MSRB3: variants seen among roughly 807,000 people sequenced by gnomAD.
MSRB3 encodes the protein methionine sulfoxide reductase B3, also known as methionine-R-sulfoxide reductase B3.
Under a neutral mutation model 21.0 loss-of-function variants are expected in MSRB3, and 13 were observed. The observed-to-expected ratio is 0.62, with a 90% CI of 0.40 to 0.98. MSRB3 has a LOEUF of 0.98. MSRB3 is among the 50% of genes least tolerant of loss of function. The pLI, the probability that MSRB3 is intolerant of heterozygous loss-of-function variation, is 0.00. For missense variants in MSRB3, 199 were observed against 230.3 expected (o/e 0.86, Z 0.88); for synonymous variants, 87 against 88.6 (o/e 0.98, Z 0.10).
At chr12:65,312,211 T>G (rs948539570) in intron 2 of MSRB3, among the ~76,000 whole-genome samples, 1 of 152,098 alleles carries the variant, frequency 6.6e-6, no homozygotes, top group African/African-American at 2.4e-5. Flanking sequence ...GTGATTTTAT[T>G]AACTGTCACT....
At chr12:65,355,106 GA>G (rs1320445540) in intron 4 of MSRB3, among the ~76,000 whole-genome samples, 1 of 151,746 alleles carries the variant, frequency 6.6e-6, no homozygotes, top group African/African-American at 2.4e-5. Context: ...ATAAACTTTA[GA>G]AAAGGAGATT....
chr12:65,367,062 C>T (rs940694824), intron 4 of MSRB3, among the ~76,000 whole-genome samples: 3 of 152,174 alleles, frequency 2.0e-5, no homozygotes, highest in Non-Finnish European at 2.9e-5. Flanking sequence ...GACAGTGACA[C>T]GGCTTGTGCA....
intron 5 of MSRB3, among the ~76,000 whole-genome samples, chr12:65,387,325 T>C (rs1879242889): frequency 6.6e-6 from 1 of 152,148 alleles, no homozygotes; most frequent in South Asian, 2.1e-4. Flanking sequence ...TGTAGTATTT[T>C]TTTTCCCCCT....
chr12:65,295,393 G>C (rs530820808), intron 1 of MSRB3, among the ~76,000 whole-genome samples: 1 of 151,912 alleles, frequency 6.6e-6, no homozygotes, highest in Non-Finnish European at 1.5e-5. Flanking sequence ...TGTATTATAC[G>C]TTCTCCCTTT....
chr12:65,322,511 C>T (rs769381933), intron 2 of MSRB3, among the ~76,000 whole-genome samples: 55 of 151,420 alleles, frequency 3.6e-4, no homozygotes, highest in Non-Finnish European at 6.6e-4. Context: ...AAAAATTACC[C>T]GGGTGTGGTG....
At chr12:65,326,804 C>G in intron 2 of MSRB3, 22 bp from the exon 3 acceptor site, 1 of 1,591,750 alleles carries the variant, frequency 6.3e-7, no homozygotes, top group Non-Finnish European at 8.6e-7. Context: ...GGCTTCTTCT[C>G]CCATATCCTC....
At chr12:65,292,138 C>G (rs1872699045) in intron 1 of MSRB3, among the ~76,000 whole-genome samples, 1 of 152,176 alleles carries the variant, frequency 6.6e-6, no homozygotes, top group Non-Finnish European at 1.5e-5. Context: ...TAATGGTGTT[C>G]ATATCATTGA....
In MSRB3 at chr12:65,280,384, C is replaced by T. The variant is rs114547842; in HGVS notation, c.-52+1519C>T. ...TTTTTCAATGGATTTCTAAAAAATA[C>T]TGTGCTGGATAGTGAAGAGTGGATT... On this transcript the variant is annotated intron_variant, in intron 1 of 6. Coordinates refer to ENST00000308259, the MANE Select transcript of MSRB3 (RefSeq NM_001031679.3). 8.4e-3 allele frequency among the ~76,000 whole-genome samples: 1,285 copies of T among 152,264 alleles called. 21 individuals carry two copies. Among genetic ancestry groups the T allele is most frequent in the African/African-American group, 0.03 (1,242 of 41,562 alleles).
At chr12:65,454,430 G>A (rs1311962247) in intron 6 of MSRB3, among the ~76,000 whole-genome samples, 1 of 152,128 alleles carries the variant, frequency 6.6e-6, no homozygotes, top group Non-Finnish European at 1.5e-5. Context: ...GGCTGTTCTT[G>A]GGGCATATGA....
chr12:65,411,326 G>A (rs1257166408), intron 5 of MSRB3, among the ~76,000 whole-genome samples: 1 of 152,158 alleles, frequency 6.6e-6, no homozygotes, highest in Non-Finnish European at 1.5e-5. Context: ...CCATGGGGAA[G>A]TCTTACTTGT....
At chr12:65,316,442 A>G (rs1456642645) in intron 2 of MSRB3, 1 of 152,160 alleles carries the variant, frequency 6.6e-6, no homozygotes, top group Non-Finnish European at 1.5e-5. Context: ...TGTTTCAGTT[A>G]TGGAAAGTCC....
chr12:65,318,819 T>C (rs1183807874), intron 2 of MSRB3, among the ~76,000 whole-genome samples: 1 of 152,154 alleles, frequency 6.6e-6, no homozygotes, highest in Non-Finnish European at 1.5e-5. Flanking sequence ...TTTTGAAGAG[T>C]TGATAAGATA....
rs189969268 is a variant in MSRB3 at position 65,374,202 on chromosome 12, C to T, written c.292+5176C>T. On this transcript the variant is annotated intron_variant, in intron 5 of 6. Transcript: ENST00000308259. ...TAAATTTCTTATTTTAAACTCATAACATTGAAGAACAAGGAAATAAAATAT... is the reference window on the plus strand; with the variant it reads ...TAAATTTCTTATTTTAAACTCATAATATTGAAGAACAAGGAAATAAAATAT... 3.2e-3 allele frequency among the ~76,000 whole-genome samples: 491 copies of T among 152,086 alleles called. 4 individuals carry two copies. Among genetic ancestry groups the T allele is most frequent in the African/African-American group, 0.011 (466 of 41,490 alleles).
chr12:65,414,571 C>T (rs1383975754), intron 5 of MSRB3, among the ~76,000 whole-genome samples: 5 of 152,062 alleles, frequency 3.3e-5, no homozygotes, highest in East Asian at 3.9e-4. Context: ...AGCATGTAGT[C>T]GAGGTGTGTA....
intron 5 of MSRB3, among the ~76,000 whole-genome samples, chr12:65,373,804 A>G (rs931855038): frequency 1.3e-5 from 2 of 152,174 alleles, no homozygotes; most frequent in Non-Finnish European, 2.9e-5. Context: ...ACAGAATATA[A>G]TTATGCTGAA....
intron 5 of MSRB3, among the ~76,000 whole-genome samples, chr12:65,396,758 C>A (rs942884954): frequency 1.5e-5 from 2 of 136,642 alleles, no homozygotes; most frequent in African/African-American, 6.1e-5. Context: ...GAAAGAAAAC[C>A]CAGCAAAGAT....
intron 4 of MSRB3, among the ~76,000 whole-genome samples, chr12:65,347,141 T>C (rs911616586): frequency 3.9e-5 from 6 of 152,318 alleles, no homozygotes; most frequent in East Asian, 1.9e-4. Context: ...GGTAGCTTTA[T>C]GGGGCTGGCA....
chr12:65,439,657 ATGT>A (rs1459798342), intron 5 of MSRB3, among the ~76,000 whole-genome samples: 2 of 151,614 alleles, frequency 1.3e-5, no homozygotes, highest in Admixed American at 6.6e-5. Flanking sequence ...CTTAAAGGAA[ATGT>A]TGTAATCTTG....
intron 5 of MSRB3, among the ~76,000 whole-genome samples, chr12:65,439,423 C>T (rs1418613164): frequency 2.0e-5 from 3 of 151,500 alleles, no homozygotes; most frequent in African/African-American, 7.3e-5. Flanking sequence ...GTACAATCAA[C>T]TTTTTTTAAT....
Sources: allele counts gnomAD v4.1 joint callset (sites outside exome capture counted in the v4.1 genomes callset), GRCh38; gene constraint gnomAD v4.1.1; transcripts MANE v1.5; gene names NCBI Gene and HGNC (gene_info 2026-07-23, HGNC 2026-07-21).